The following TBC1D4 variants were observed in gnomAD, a reference collection of about 807,000 sequenced individuals.
The protein encoded by TBC1D4 is TBC1 domain family member 4.
In TBC1D4, 121 loss-of-function variants were observed where a neutral mutation model predicts 142.5. The observed-to-expected ratio is 0.85, with a 90% confidence interval of 0.73 to 0.99. The LOEUF (loss-of-function observed/expected upper bound fraction) is 0.99. TBC1D4 is among the 50% of genes least tolerant of loss of function. The pLI is 0.00. For missense variants in TBC1D4, 1,475 were observed against 1,606.6 expected, an observed-to-expected ratio of 0.92 and a Z score of 1.40; for synonymous variants, 630 against 628.2, an observed-to-expected ratio of 1.00 and a Z score of -0.04.
intron 4 of TBC1D4, among the ~76,000 whole-genome samples, chr13:75,352,748 T>C (rs1352646774): frequency 6.6e-6 from 1 of 152,204 alleles, no homozygotes; most frequent in Non-Finnish European, 1.5e-5. Flanking sequence ...TACAAATTCA[T>C]AGCAATTATT....
chr13:75,338,895 T>C (rs1880442965), intron 7 of TBC1D4, among the ~76,000 whole-genome samples: 1 of 152,190 alleles, frequency 6.6e-6, no homozygotes, highest in Non-Finnish European at 1.5e-5. Context: ...TCACAGCAAC[T>C]CCCTCTCCCT....
At chr13:75,463,478 AT>A (rs1307904823) in intron 1 of TBC1D4, among the ~76,000 whole-genome samples, 1 of 152,196 alleles carries the variant, frequency 6.6e-6, no homozygotes, top group African/African-American at 2.4e-5. Flanking sequence ...GGAGATTCTG[AT>A]TCTACATCTC....
intron 1 of TBC1D4, among the ~76,000 whole-genome samples, chr13:75,380,238 G>A (rs963821718): frequency 4.6e-5 from 7 of 151,722 alleles, no homozygotes; most frequent in East Asian, 2.0e-4. Flanking sequence ...TTGGGAGGCC[G>A]AGGCGGGTGG....
chr13:75,337,289 C>T (rs558385771), intron 7 of TBC1D4, among the ~76,000 whole-genome samples: 3 of 152,172 alleles, frequency 2.0e-5, no homozygotes, highest in Admixed American at 6.5e-5. Flanking sequence ...TCCATGAATA[C>T]ACTCCTACTG....
chr13:75,430,365 C>A (rs1287333346), intron 1 of TBC1D4, among the ~76,000 whole-genome samples: 1 of 152,112 alleles, frequency 6.6e-6, no homozygotes, highest in Non-Finnish European at 1.5e-5. Context: ...AAAAATTAAA[C>A]AAATGGTATT....
intron 1 of TBC1D4, among the ~76,000 whole-genome samples, chr13:75,433,094 C>T (rs1784297232): frequency 6.6e-6 from 1 of 152,178 alleles, no homozygotes; most frequent in African/African-American, 2.4e-5. Flanking sequence ...CCTCAACTCT[C>T]ACTCACCATT....
At chr13:75,410,104 A>C (rs1885562631) in intron 1 of TBC1D4, among the ~76,000 whole-genome samples, 2 of 152,360 alleles carry the variant, frequency 1.3e-5, no homozygotes, top group South Asian at 2.1e-4. Context: ...GTGAGGTTTA[A>C]ATAAGCTAAT....
intron 2 of TBC1D4, among the ~76,000 whole-genome samples, chr13:75,361,115 A>G (rs1882466716): frequency 6.6e-6 from 1 of 152,230 alleles, no homozygotes; most frequent in African/African-American, 2.4e-5. Flanking sequence ...CCTGTACAAC[A>G]TTCAAAAATG....
Position 75,362,320 on chromosome 13 carries a change from G to A in TBC1D4, c.786C>T (p.Ser262=). ...CCTCCTCCGGCAGGCAGTCTCCGGG[G>A]GACCCGGGCACCACCACCTCCAAGT... ...LADLEVVVPG[S]PGDCLPEEAD... is the part of the protein sequence containing the mutation. The change falls in exon 2 of 21, where the codon TCC becomes TCT. Residue 262 remains serine, a synonymous_variant. Transcript: ENST00000377636. This position sits in a 1 kb window ranked among gnomAD's most constrained non-coding sequence, Gnocchi z 4.2. 1 of 1,614,032 alleles carries A rather than the reference G, an allele frequency of 6.2e-7. No individual in the cohort carries two copies. The highest frequency in any genetic ancestry group is 2.2e-5 in the East Asian group (1 of 44,894).
intron 1 of TBC1D4, chr13:75,376,034 C>A (rs1883487674): frequency 6.6e-6 from 1 of 152,138 alleles, no homozygotes; most frequent in Non-Finnish European, 1.5e-5. Flanking sequence ...CAAGGCAATA[C>A]ATCAGAGCTC....
chr13:75,374,985 G>A (rs1048598021), intron 1 of TBC1D4, among the ~76,000 whole-genome samples: 9 of 152,122 alleles, frequency 5.9e-5, no homozygotes, highest in African/African-American at 1.9e-4. Flanking sequence ...ACAATAAACT[G>A]CAAGTAATCC....
At chr13:75,411,297 A>G (rs1885649238) in intron 1 of TBC1D4, among the ~76,000 whole-genome samples, 1 of 152,218 alleles carries the variant, frequency 6.6e-6, no homozygotes, top group East Asian at 1.9e-4. Context: ...ACTTAGTATG[A>G]AACAGGAGGG....
chr13:75,304,722 A>C (rs1168739576), intron 15 of TBC1D4, among the ~76,000 whole-genome samples: 1 of 152,104 alleles, frequency 6.6e-6, no homozygotes, highest in Non-Finnish European at 1.5e-5. Flanking sequence ...CGGGCAGAGG[A>C]AAGGGCGGAA....
intron 1 of TBC1D4, among the ~76,000 whole-genome samples, chr13:75,391,033 C>A (rs920043959): frequency 5.0e-3 from 3 of 604 alleles, no homozygotes; most frequent in Non-Finnish European, 0.019. Flanking sequence ...ATTCCCCCAC[C>A]ACACACACAC....
rs1566350805 is a variant in TBC1D4, at chr13:75,299,592, GA to G, written c.2912-19del. 6.2e-7 allele frequency: 1 copy of G among 1,613,646 alleles called. No homozygotes were observed. The highest frequency in any genetic ancestry group is 1.1e-5 in the South Asian group (1 of 91,000). On this transcript the variant is annotated intron_variant, in intron 16 of 20. Coordinates refer to ENST00000377636, the MANE Select transcript of TBC1D4 (RefSeq NM_014832.5). The stretch of plus-strand genomic sequence containing the variant: ...CGTCCTTCCTGCAGAGGAAAAGAAG[GA>G]AAATATTTTTTGAAATGTCCTCATG...
At chr13:75,434,992 A>C (rs1046129050) in intron 1 of TBC1D4, among the ~76,000 whole-genome samples, 1 of 151,048 alleles carries the variant, frequency 6.6e-6, no homozygotes, top group Non-Finnish European at 1.5e-5. Flanking sequence ...TGCTAAAAAT[A>C]CAAAAATTAG....
chr13:75,377,575 G>C (rs1883586645), intron 1 of TBC1D4, among the ~76,000 whole-genome samples: 1 of 151,472 alleles, frequency 6.6e-6, no homozygotes, highest in Admixed American at 6.6e-5. Context: ...ACACAAATGA[G>C]CAAAAACAAG....
chr13:75,351,590 C>T (rs1016734414), intron 4 of TBC1D4, among the ~76,000 whole-genome samples: 1 of 129,184 alleles, frequency 7.7e-6, no homozygotes, highest in African/African-American at 2.9e-5. Flanking sequence ...CCACAATAGT[C>T]CCCGGTGTGT....
chr13:75,317,789 T>A (rs905613006), intron 12 of TBC1D4, among the ~76,000 whole-genome samples: 1 of 152,196 alleles, frequency 6.6e-6, no homozygotes, highest in African/African-American at 2.4e-5. Context: ...ACTGGTATAT[T>A]GTATATATAC....
Sources: gnomAD v4.1 joint callset for allele counts (sites outside exome capture counted in the v4.1 genomes callset) on GRCh38, gnomAD v4.1.1 for gene constraint, Gnocchi (gnomAD v3.1) non-coding constraint, MANE v1.5 for transcripts, NCBI Gene and HGNC (gene_info 2026-07-23, HGNC 2026-07-21) for gene names.